Variants in MUCL1 observed in about 807,000 individuals in gnomAD.
The protein encoded by MUCL1 is mucin like 1.
In MUCL1, 11 loss-of-function variants were observed where a neutral mutation model predicts 9.2. The observed-to-expected ratio is 1.19, with a 90% confidence interval of 0.75 to 1.97. MUCL1 has a LOEUF of 1.97. MUCL1 is among the 30% of genes most tolerant of loss of function. MUCL1 has a pLI of 0.00. For missense variants in MUCL1, 144 were observed against 110.9 expected, an observed-to-expected ratio of 1.30 and a Z score of -1.34; for synonymous variants, 48 against 40.5, an observed-to-expected ratio of 1.19 and a Z score of -0.71.
At position 54,855,140 on chromosome 12, in the gene MUCL1, C is replaced by T; in HGVS notation, c.83C>T (p.Ala28Val). 6.2e-7 allele frequency: 1 copy of T among 1,613,380 alleles called. No homozygotes were observed. Among genetic ancestry groups the T allele is most frequent in the Non-Finnish European group, 8.5e-7 (1 of 1,179,624 alleles). ...GAGAATCCGACAACAGCTGCTCCAG[C>T]TGACACGTATCCAGCTAGTGAGTCT... is the stretch of plus-strand genomic sequence containing the variant. ...SAQNPTTAAP[A>V]DTYPATGPAD... Residue 28 changes from alanine (A) to valine (V), a missense_variant, in exon 2 of 4, where the codon GCT becomes GTT. Transcript: ENST00000308796.
intron 3 of MUCL1, among the ~76,000 whole-genome samples, chr12:54,857,269 T>TGTGTGTGTGTGTGTGTG (rs1868308279): frequency 6.6e-6 from 1 of 150,874 alleles, no homozygotes. Context: ...TGTGTGTGTG[T>TGTGTGTGTGTGTGTGTG]TTAAATCAGG....
chr12:54,840,195 C>T (rs1009556772), intron 1 of MUCL1, among the ~76,000 whole-genome samples: 7 of 152,094 alleles, frequency 4.6e-5, no homozygotes, highest in African/African-American at 1.7e-4. Flanking sequence ...GAAGCAGGTA[C>T]CAGGACCAGT....
At chr12:54,857,213 TA>T (rs1257471056) in intron 3 of MUCL1, among the ~76,000 whole-genome samples, 14 of 150,596 alleles carry the variant, frequency 9.3e-5, no homozygotes, top group African/African-American at 2.9e-4. Flanking sequence ...TTATTATTAT[TA>T]TTTTTTTAAA....
At chr12:54,839,750 G>A (rs1959201152) in intron 1 of MUCL1, among the ~76,000 whole-genome samples, 1 of 152,190 alleles carries the variant, frequency 6.6e-6, no homozygotes, top group Non-Finnish European at 1.5e-5. Flanking sequence ...GTGTGGGGAT[G>A]TAGTCACCCT....
upstream of MUCL1, among the ~76,000 whole-genome samples, chr12:54,854,177 A>G (rs1465474895): frequency 6.6e-6 from 1 of 152,200 alleles, no homozygotes; most frequent in African/African-American, 2.4e-5. Flanking sequence ...AGAATCTATG[A>G]AAAGAGCACT....
chr12:54,850,622 G>A (rs1308678805), upstream of MUCL1, among the ~76,000 whole-genome samples: 1 of 152,010 alleles, frequency 6.6e-6, no homozygotes, highest in Non-Finnish European at 1.5e-5. Context: ...ATAAACATAC[G>A]TGTGCATGTG....
At chr12:54,838,911 C>A (rs1403174910), upstream of MUCL1, among the ~76,000 whole-genome samples, 1 of 151,960 alleles carries the variant, frequency 6.6e-6, no homozygotes, top group Non-Finnish European at 1.5e-5. Flanking sequence ...ATTTTGAATT[C>A]TTTATCTGGC....
chr12:54,854,323 C>T (rs1257412540), upstream of MUCL1, among the ~76,000 whole-genome samples: 1 of 152,148 alleles, frequency 6.6e-6, no homozygotes, highest in African/African-American at 2.4e-5. Flanking sequence ...ATGAGAGACT[C>T]GAATTGAAAC....
chr12:54,854,777 C>A, intron 1 of MUCL1, 137 bp downstream of exon 1: 1 of 727,642 alleles, frequency 1.4e-6, no homozygotes, highest in East Asian at 2.6e-5. Context: ...TTTTGACTGA[C>A]CGTTCAAGAT....
At chr12:54,847,199 A>G (rs1782903343) in intron 1 of MUCL1, among the ~76,000 whole-genome samples, 1 of 152,156 alleles carries the variant, frequency 6.6e-6, no homozygotes, top group South Asian at 2.1e-4. Flanking sequence ...TCATGTATCA[A>G]GAAGTAACCG....
upstream of MUCL1, chr12:54,854,476 C>A (rs1369385734): frequency 1.2e-5 from 10 of 828,538 alleles, no homozygotes; most frequent in African/African-American, 3.4e-5. Context: ...TGATTGGTGC[C>A]CTCTGCATAT....
At chr12:54,849,716 G>A (rs538952709), upstream of MUCL1, among the ~76,000 whole-genome samples, 5 of 152,088 alleles carry the variant, frequency 3.3e-5, no homozygotes, top group South Asian at 1.0e-3. Context: ...TATATATAAT[G>A]CTGTTCATTT....
intron 1 of MUCL1, among the ~76,000 whole-genome samples, chr12:54,849,453 T>C (rs1027367886): frequency 6.6e-6 from 1 of 152,100 alleles, no homozygotes; most frequent in African/African-American, 2.4e-5. Flanking sequence ...ATTTTAATTT[T>C]TATAAAAAAT....
At chr12:54,834,780 A>G (rs1959190189), upstream of MUCL1, among the ~76,000 whole-genome samples, 1 of 152,034 alleles carries the variant, frequency 6.6e-6, no homozygotes, top group South Asian at 2.1e-4. Flanking sequence ...TGGGGGTAAA[A>G]GTGGTTTTTG....
chr12:54,851,632 C>T (rs1959341256), upstream of MUCL1, among the ~76,000 whole-genome samples: 5 of 152,148 alleles, frequency 3.3e-5, no homozygotes, highest in Admixed American at 3.3e-4. Flanking sequence ...CACTCCTATT[C>T]AACGTAGTGT....
At chr12:54,837,624 C>A (rs887260554), upstream of MUCL1, among the ~76,000 whole-genome samples, 3 of 152,002 alleles carry the variant, frequency 2.0e-5, no homozygotes, top group Non-Finnish European at 4.4e-5. Flanking sequence ...AAAAAATTAG[C>A]CGGGCGTGGT....
Position 54,858,176 on chromosome 12 carries a change from AT to A in MUCL1, c.224-10del, listed in dbSNP as rs753053136. 8 of 1,612,964 alleles carry A rather than the reference AT, an allele frequency of 5.0e-6. No individual in the cohort carries two copies. The highest frequency in any genetic ancestry group is 6.8e-6 in the Non-Finnish European group (8 of 1,179,312). ...TCCTTTGTCGAAGCCCCTTGACAAT[AT>A]TTTTTTCTCTTGCAGTTTTACCCAA... On this transcript the variant is annotated splice_polypyrimidine_tract_variant and intron_variant, in intron 3 of 3. Transcript: ENST00000308796.
upstream of MUCL1, among the ~76,000 whole-genome samples, chr12:54,839,052 A>C (rs1300088212): frequency 6.6e-6 from 1 of 151,952 alleles, no homozygotes; most frequent in Non-Finnish European, 1.5e-5. Context: ...TGGGTAGACT[A>C]TTTCTCCTAA....
chr12:54,854,600 C>T lies in MUCL1; in HGVS notation c.18C>T (p.Val6=). 2.5e-6 allele frequency: 4 copies of T among 1,613,494 alleles called. No homozygotes were observed. Among genetic ancestry groups the T allele is most frequent in the Non-Finnish European group, 2.5e-6 (3 of 1,179,604 alleles). Reference sequence around the variant, plus strand: ...TCACCACCATGAAGTTCTTAGCAGTCCTGGTACTCTTGGGAGTTTCCATCT... The same window carrying T: ...TCACCACCATGAAGTTCTTAGCAGTTCTGGTACTCTTGGGAGTTTCCATCT... MKFLA[V]LVLLGVSIFL... Residue 6 remains valine (V), a synonymous_variant, in exon 1 of 4, where the codon GTC becomes GTT. Transcript: ENST00000308796.
Sources: allele counts gnomAD v4.1 joint callset (sites outside exome capture counted in the v4.1 genomes callset), GRCh38; gene constraint gnomAD v4.1.1; transcripts MANE v1.5; gene names NCBI Gene and HGNC (gene_info 2026-07-23, HGNC 2026-07-21).